The following PARD3B variants were observed in gnomAD, a reference collection of about 807,000 sequenced individuals.
PARD3B encodes partitioning defective 3 homolog B.
PARD3B carries 103 observed loss-of-function variants against 130.2 expected under a neutral mutation model. That is an observed-to-expected ratio of 0.79 (90% CI 0.67 to 0.93). The LOEUF (loss-of-function observed/expected upper bound fraction) is 0.93. Ranked by LOEUF, PARD3B falls within the 40% of genes least tolerant of loss-of-function variation. The pLI, the probability that PARD3B is intolerant of heterozygous loss-of-function variation, is 0.00. For synonymous variants in PARD3B, 583 were observed against 553.2 expected (o/e 1.05, Z -0.76); for missense variants, 1,609 against 1,499.2 (o/e 1.07, Z -1.21).
chr2:205,499,359 T>C (rs187057342), intron 20 of PARD3B, among the ~76,000 whole-genome samples: 1 of 152,236 alleles, frequency 6.6e-6, no homozygotes, highest in East Asian at 1.9e-4. Flanking sequence ...TTTGTTTTTT[T>C]ACTGTCACCT....
At chr2:205,389,477 C>T (rs553910852) in intron 18 of PARD3B, among the ~76,000 whole-genome samples, 1 of 152,116 alleles carries the variant, frequency 6.6e-6, no homozygotes, top group Non-Finnish European at 1.5e-5. Flanking sequence ...ATTCTTTTGC[C>T]TCAGCCTCCC....
chr2:205,391,123 A>C (rs375088847), intron 18 of PARD3B, among the ~76,000 whole-genome samples: 1 of 152,026 alleles, frequency 6.6e-6, no homozygotes, highest in African/African-American at 2.4e-5. Flanking sequence ...CAAACGGGCA[A>C]CCTCCCACAG....
intron 3 of PARD3B, among the ~76,000 whole-genome samples, chr2:204,991,470 C>G (rs1424076947): frequency 7.1e-6 from 1 of 141,590 alleles, no homozygotes; most frequent in Admixed American, 7.2e-5. Context: ...TTAATCCAGT[C>G]TATCATTGTT....
chr2:204,670,032 T>C (rs2036222606), intron 1 of PARD3B, among the ~76,000 whole-genome samples: 1 of 152,114 alleles, frequency 6.6e-6, no homozygotes, highest in Admixed American at 6.6e-5. Context: ...GTTGGGACAG[T>C]CAGAAATGCT....
At chr2:204,722,866 C>T (rs1353589731) in intron 2 of PARD3B, among the ~76,000 whole-genome samples, 1 of 151,930 alleles carries the variant, frequency 6.6e-6, no homozygotes, top group African/African-American at 2.4e-5. Context: ...CTGGCTCTCA[C>T]TTCCACCTTC....
At chr2:204,666,607 TAAAGTC>T (rs2036035274) in intron 1 of PARD3B, among the ~76,000 whole-genome samples, 1 of 151,970 alleles carries the variant, frequency 6.6e-6, no homozygotes, top group Non-Finnish European at 1.5e-5. Flanking sequence ...ATTTAGAAGA[TAAAGTC>T]AATAGAATTT....
intron 4 of PARD3B, among the ~76,000 whole-genome samples, chr2:205,084,337 T>TA (rs575858143): frequency 1.3e-5 from 2 of 152,132 alleles, no homozygotes; most frequent in Non-Finnish European, 2.9e-5. Context: ...TTTCTGTAGT[T>TA]AGATCTAGAG....
At chr2:204,733,808 G>T (rs2039625776) in intron 2 of PARD3B, among the ~76,000 whole-genome samples, 1 of 151,876 alleles carries the variant, frequency 6.6e-6, no homozygotes, top group Admixed American at 6.5e-5. Flanking sequence ...TGATCAGCAA[G>T]TGGTATTACT....
chr2:204,650,444 A>T (rs2035437769), intron 1 of PARD3B, among the ~76,000 whole-genome samples: 1 of 152,200 alleles, frequency 6.6e-6, no homozygotes, highest in Non-Finnish European at 1.5e-5. Flanking sequence ...AGACCCATGC[A>T]TGCAAATGTT....
chr2:205,088,638 C>T (rs528958092), intron 4 of PARD3B, among the ~76,000 whole-genome samples: 3 of 152,268 alleles, frequency 2.0e-5, no homozygotes, highest in African/African-American at 7.2e-5. Flanking sequence ...ATTCATGTCA[C>T]ATTAATGAAG....
Position 204,887,909 on chromosome 2 carries a change from A to G in PARD3B, c.223-77243A>G, listed in dbSNP as rs749277045. On this transcript the variant is annotated intron_variant, in intron 2 of 22. Transcript: ENST00000406610. This position sits in a 1 kb window ranked among gnomAD's most constrained non-coding sequence, Gnocchi z 4.2. ...CACTATGGATTTGAGAAGCCAGAAA[A>G]GTCCTTAGAGAGGAGGTGAAATTTG... Among the ~76,000 whole-genome samples, 3 of 152,148 alleles carry G rather than the reference A, an allele frequency of 2.0e-5. No individual in the cohort carries two copies. The highest frequency in any genetic ancestry group is 7.2e-5 in the African/African-American group (3 of 41,444).
chr2:204,909,221 T>C lies in PARD3B; in HGVS notation c.223-55931T>C, dbSNP rs1349753596. Among the ~76,000 whole-genome samples the C allele has an allele frequency of 2.0e-5, 3 of 152,218 alleles. No homozygotes were observed. In the East Asian group the frequency reaches 5.8e-4, roughly 29 times the overall value. On this transcript the variant is annotated intron_variant, in intron 2 of 22. Coordinates refer to ENST00000406610, the MANE Select transcript of PARD3B (RefSeq NM_001302769.2). The stretch of plus-strand genomic sequence containing the variant: ...TTGGGAAAGTAATTTGGCTATAAAA[T>C]TGAAAATGCACATAATGTTACAGAA...
intron 1 of PARD3B, among the ~76,000 whole-genome samples, chr2:204,663,794 C>A (rs1014339005): frequency 6.6e-6 from 1 of 152,214 alleles, no homozygotes; most frequent in East Asian, 1.9e-4. Context: ...TTTTAAAAAT[C>A]ATAATTTATA....
intron 2 of PARD3B, among the ~76,000 whole-genome samples, chr2:204,701,454 A>T (rs1311014748): frequency 6.6e-6 from 1 of 152,098 alleles, no homozygotes. Context: ...TGGAAGAAAA[A>T]TTTCCATTTG....
chr2:205,335,851 G>A (rs559988579), intron 18 of PARD3B, among the ~76,000 whole-genome samples: 6 of 152,144 alleles, frequency 3.9e-5, no homozygotes, highest in South Asian at 2.1e-4. Flanking sequence ...GGTAAGACCC[G>A]CACAGGTAAG....
At chr2:204,785,150 T>C (rs1472853460) in intron 2 of PARD3B, among the ~76,000 whole-genome samples, 2 of 152,234 alleles carry the variant, frequency 1.3e-5, no homozygotes, top group Non-Finnish European at 2.9e-5. Flanking sequence ...TCACTGAACA[T>C]ATGAAAAGAA....
In PARD3B at chr2:205,183,574, G is replaced by A. The variant is rs1353046560; in HGVS notation, c.1925-2190G>A. Among the ~76,000 whole-genome samples, 1 of 152,096 alleles carries A rather than the reference G, an allele frequency of 6.6e-6. No individual in the cohort carries two copies. The highest frequency in any genetic ancestry group is 2.4e-5 in the African/African-American group (1 of 41,416). On this transcript the variant is annotated intron_variant, in intron 13 of 22. Coordinates refer to ENST00000406610, the MANE Select transcript of PARD3B (RefSeq NM_001302769.2). The surrounding 1 kb of genome is among the most constrained non-coding windows in gnomAD (Gnocchi z 5.2). ...GCTGCCTTTGTGCTTCTTTCCCCCT[G>A]GTCACCTACTTAGCAGGTCTGCTTC...
In PARD3B at chr2:204,985,891, A is replaced by G. The variant is rs554935998; in HGVS notation, c.394+20568A>G. ...CGAGGTGGGTGGATTGCCTGAGCTC[A>G]GGAGCTCGAGACCAGCCTGGCAACA... On this transcript the variant is annotated intron_variant, in intron 3 of 22. Transcript: ENST00000406610. 3.9e-5 allele frequency among the ~76,000 whole-genome samples: 6 copies of G among 152,194 alleles called. No homozygotes were observed. The East Asian group carries it at 9.7e-4, about 25-fold the overall frequency.
intron 2 of PARD3B, among the ~76,000 whole-genome samples, chr2:204,852,931 T>C (rs1403377108): frequency 6.6e-6 from 1 of 152,150 alleles, no homozygotes; most frequent in African/African-American, 2.4e-5. Flanking sequence ...TTCTTTCAGG[T>C]CCTAAGTTAT....
Sources: gnomAD v4.1 joint callset for allele counts (sites outside exome capture counted in the v4.1 genomes callset) on GRCh38, gnomAD v4.1.1 for gene constraint, Gnocchi (gnomAD v3.1) non-coding constraint, MANE v1.5 for transcripts, NCBI Gene and HGNC (gene_info 2026-07-23, HGNC 2026-07-21) for gene names.